IRF2: variants seen among roughly 807,000 people sequenced by gnomAD.
IRF2 encodes interferon regulatory factor 2.
Under a neutral mutation model 40.6 loss-of-function variants are expected in IRF2, and 15 were observed. That is an observed-to-expected ratio of 0.37 (90% CI 0.25 to 0.57). IRF2 has a LOEUF of 0.57. Among genes scored for constraint, IRF2 ranks in the 20% least tolerant of loss-of-function variants. The probability of loss-of-function intolerance (pLI) is 0.77; values close to 1 mark genes in which losing one functional copy is unlikely to be tolerated. For missense variants in IRF2, 317 were observed against 455.7 expected (o/e 0.70, Z 2.77); for synonymous variants, 151 against 165.5 (o/e 0.91, Z 0.67).
In IRF2 at chr4:184,390,718, A is replaced by C; in HGVS notation, c.726T>G (p.Asp242Glu). 6.2e-7 allele frequency: 1 copy of C among 1,614,174 alleles called. No individual in the cohort carries two copies. ...ESETTDSVPS[D>E]EESAEGRPHW... is the part of the protein sequence containing the mutation. ...AGTGGCTTACCTCGGCACTCTCTTC[A>C]TCGCTGGGCACACTATCAGTCGTTT... Residue 242 changes from aspartate to glutamate, a missense_variant, in exon 8 of 9, where the codon GAT (aspartate) becomes GAG (glutamate). Around this residue, in one of 2 missense-constraint regions of IRF2, gnomAD observed 262 missense variants for 334.0 expected, o/e 0.78. Coordinates refer to ENST00000393593, the MANE Select transcript of IRF2 (RefSeq NM_002199.4).
intron 1 of IRF2, among the ~76,000 whole-genome samples, chr4:184,447,241 A>C (rs1215399147): frequency 6.6e-6 from 1 of 152,216 alleles, no homozygotes; most frequent in African/African-American, 2.4e-5. Context: ...AAAAAAAGTC[A>C]CAGAACCCAA....
chr4:184,441,918 G>A (rs1171689095), intron 1 of IRF2, among the ~76,000 whole-genome samples: 1 of 152,160 alleles, frequency 6.6e-6, no homozygotes, highest in Non-Finnish European at 1.5e-5. Context: ...GGAGTCTTAG[G>A]CCCTGACTTA....
intron 2 of IRF2, among the ~76,000 whole-genome samples, chr4:184,423,651 T>C (rs1363936130): frequency 6.6e-6 from 1 of 152,150 alleles, no homozygotes; most frequent in Non-Finnish European, 1.5e-5. Context: ...GGGGGTCACA[T>C]GGAGCCACGA....
Position 184,421,013 on chromosome 4 carries a change from A to T in IRF2, c.88-1445T>A, listed in dbSNP as rs141860682. ...TTGAGACCTGGATTCTGTGGAGATT[A>T]AAGCCCAGGAGGTTGTACTCTTTCA... is the stretch of plus-strand genomic sequence containing the variant. On this transcript the variant is annotated intron_variant, in intron 2 of 8. Coordinates refer to ENST00000393593, the MANE Select transcript of IRF2 (RefSeq NM_002199.4). Among the ~76,000 whole-genome samples, 42 of 152,370 alleles carry T rather than the reference A, an allele frequency of 2.8e-4. No homozygotes were observed. In the East Asian group the frequency reaches 7.3e-3, roughly 27 times the overall value.
At chr4:184,399,416 A>G (rs545592482) in intron 6 of IRF2, among the ~76,000 whole-genome samples, 1 of 152,310 alleles carries the variant, frequency 6.6e-6, no homozygotes, top group African/African-American at 2.4e-5. Context: ...CCCCAGCCCC[A>G]GGGCCAGACA....
At chr4:184,463,077 A>G (rs1032999757) in intron 1 of IRF2, among the ~76,000 whole-genome samples, 3 of 152,276 alleles carry the variant, frequency 2.0e-5, no homozygotes, top group Non-Finnish European at 4.4e-5. Flanking sequence ...CTAGAATGAA[A>G]CATTCATCTC....
chr4:184,438,511 G>A (rs1346256252), intron 1 of IRF2, among the ~76,000 whole-genome samples: 5 of 152,150 alleles, frequency 3.3e-5, no homozygotes, highest in African/African-American at 9.7e-5. Context: ...GGTTGAAGGG[G>A]TATAAAAACA....
intron 5 of IRF2, among the ~76,000 whole-genome samples, chr4:184,412,281 T>C (rs924127765): frequency 6.6e-6 from 1 of 152,138 alleles, no homozygotes; most frequent in Non-Finnish European, 1.5e-5. Flanking sequence ...TCTTTAGACC[T>C]GTAAAATAAT....
At chr4:184,390,300 A>C (rs1480170504) in intron 8 of IRF2, among the ~76,000 whole-genome samples, 3 of 152,190 alleles carry the variant, frequency 2.0e-5, no homozygotes, top group African/African-American at 7.2e-5. Context: ...GAACCCACGC[A>C]CACGTGGAAG....
At chr4:184,402,151 TAG>T (rs1210239088) in intron 6 of IRF2, among the ~76,000 whole-genome samples, 1 of 152,096 alleles carries the variant, frequency 6.6e-6, no homozygotes, top group Non-Finnish European at 1.5e-5. Flanking sequence ...ACTAACCATC[TAG>T]AGAGTCAGTT....
intron 1 of IRF2, among the ~76,000 whole-genome samples, chr4:184,437,353 G>A (rs1432607642): frequency 7.7e-6 from 1 of 129,122 alleles, no homozygotes; most frequent in African/African-American, 3.0e-5. Flanking sequence ...ACCGCGCCTG[G>A]CCTAATTTTT....
chr4:184,432,514 A>G lies in IRF2; in HGVS notation c.-6-3444T>C, dbSNP rs1416583264. Among the ~76,000 whole-genome samples the G allele has an allele frequency of 2.0e-5, 3 of 152,372 alleles. No individual in the cohort carries two copies. The East Asian group carries it at 5.8e-4, about 29-fold the overall frequency. The stretch of plus-strand genomic sequence containing the variant: ...CTTACAGGGAAAATACGTATATTAG[A>G]TAAGCTTTGCTCAGGCATGCATTAT... On this transcript the variant is annotated intron_variant, in intron 1 of 8. Coordinates refer to ENST00000393593, the MANE Select transcript of IRF2 (RefSeq NM_002199.4).
At chr4:184,410,837 G>A (rs1268966842) in intron 5 of IRF2, among the ~76,000 whole-genome samples, 1 of 152,282 alleles carries the variant, frequency 6.6e-6, no homozygotes, top group East Asian at 1.9e-4. Context: ...AGTGACAAGT[G>A]ATACTTTTAT....
At chr4:184,473,540 G>T (rs1739603847) in intron 1 of IRF2, among the ~76,000 whole-genome samples, 1 of 147,790 alleles carries the variant, frequency 6.8e-6, no homozygotes, top group African/African-American at 2.4e-5. Flanking sequence ...GGCGCTGGCC[G>T]GCGGGAAGGA....
At position 184,448,480 on chromosome 4, in the gene IRF2, TAA is replaced by T. The variant is rs1738596333; in HGVS notation, c.-6-19412_-6-19411del. Among the ~76,000 whole-genome samples, 3 of 152,080 alleles carry T rather than the reference TAA, an allele frequency of 2.0e-5. No homozygotes were observed. Among genetic ancestry groups the T allele is most frequent in the Non-Finnish European group, 4.4e-5 (3 of 68,012 alleles). ...GTTCAGTTGTGTAGAAGAGGAGAAA[TAA>T]GACGGCCAAAGAGCTCTCGTGCGTA... On this transcript the variant is annotated intron_variant, in intron 1 of 8. Transcript: ENST00000393593. This position sits in a 1 kb window ranked among gnomAD's most constrained non-coding sequence, Gnocchi z 4.3.
chr4:184,442,365 T>C (rs1005047727), intron 1 of IRF2, among the ~76,000 whole-genome samples: 3 of 152,194 alleles, frequency 2.0e-5, no homozygotes, highest in Admixed American at 6.5e-5. Flanking sequence ...AGGGGCTTTT[T>C]CCTGGCTTTG....
intron 2 of IRF2, among the ~76,000 whole-genome samples, chr4:184,424,840 G>C (rs112387035): frequency 9.3e-4 from 141 of 152,312 alleles, no homozygotes; most frequent in Non-Finnish European, 1.7e-3. Context: ...AGGTTGAATG[G>C]ACTTTCTGAG....
At chr4:184,397,371 A>G (rs2149892589) in intron 7 of IRF2, among the ~76,000 whole-genome samples, 1 of 152,304 alleles carries the variant, frequency 6.6e-6, no homozygotes, top group East Asian at 1.9e-4. Flanking sequence ...TGTTTAATGC[A>G]GACAGAGTTT....
intron 1 of IRF2, among the ~76,000 whole-genome samples, chr4:184,457,161 T>C (rs1017582393): frequency 6.6e-6 from 1 of 152,184 alleles, no homozygotes; most frequent in Admixed American, 6.5e-5. Flanking sequence ...ATGTGACAAA[T>C]GGGAATTAAG....
Sources: gnomAD v4.1 joint callset for allele counts (sites outside exome capture counted in the v4.1 genomes callset) on GRCh38, gnomAD v4.1.1 for gene constraint, gnomAD v4.1.1 regional missense constraint, Gnocchi (gnomAD v3.1) non-coding constraint, MANE v1.5 for transcripts, NCBI Gene and HGNC (gene_info 2026-07-23, HGNC 2026-07-21) for gene names.